Variants in HERC6 observed in about 807,000 individuals in gnomAD.
HERC6 encodes HECT and RLD domain containing E3 ubiquitin protein ligase family member 6.
A neutral mutation model predicts 114.5 loss-of-function variants in HERC6; 101 were observed. That is an observed-to-expected ratio of 0.88 (90% confidence interval 0.75 to 1.04). The LOEUF (loss-of-function observed/expected upper bound fraction) is 1.04, where lower values mean the gene tolerates loss of function less well. Among genes scored for constraint, HERC6 ranks in the 50% least tolerant of loss-of-function variants. The pLI is 0.00. For synonymous variants in HERC6, 408 were observed against 436.2 expected, an observed-to-expected ratio of 0.94 and a Z score of 0.81; for missense variants, 1,133 against 1,230.9, an observed-to-expected ratio of 0.92 and a Z score of 1.19.
rs775202899 is a variant in HERC6, at chr4:88,379,119, A to G, written c.198A>G (p.Pro66=). 6.5e-7 allele frequency: 1 copy of G among 1,539,954 alleles called. No individual in the cohort carries two copies. The highest frequency in any genetic ancestry group is 2.5e-5 in the East Asian group (1 of 40,808). The part of the protein sequence containing the change: ...GRRGAQRGEL[P]EPIQALETLI... ...GGGGCGCGCAGCGCGGGGAGCTGCC[A>G]GGTGAGCGGGGGGCCCCAGGTGCAG... Residue 66 remains proline (P), a splice_region_variant and synonymous_variant, in exon 1 of 23, where the codon CCA becomes CCG. Coordinates refer to ENST00000264346, the MANE Select transcript of HERC6 (RefSeq NM_017912.4).
At position 88,438,051 on chromosome 4, in the gene HERC6, A is replaced by C. The variant is rs557427495; in HGVS notation, c.2555+270A>C. 4.7e-5 allele frequency among the ~76,000 whole-genome samples: 7 copies of C among 147,756 alleles called. No individual in the cohort carries two copies. In the South Asian group the frequency reaches 1.5e-3, roughly 32 times the overall value. Reference sequence around the variant, plus strand: ...AGGAGGCTGAGGATTGCTTGAACCCAGGAAGTGGAGGTTGCAGTGAGCCGG... The same window carrying C: ...AGGAGGCTGAGGATTGCTTGAACCCCGGAAGTGGAGGTTGCAGTGAGCCGG... On this transcript the variant is annotated intron_variant, in intron 20 of 22. Transcript: ENST00000264346.
intron 8 of HERC6, 193 bp downstream of exon 8, chr4:88,398,402 A>AC (rs1014467869): frequency 4.4e-5 from 18 of 404,610 alleles, no homozygotes; most frequent in South Asian, 2.3e-4. Context: ...AACAGATTAG[A>AC]CCCCCCCACC....
chr4:88,404,404 G>A (rs1385639663), intron 8 of HERC6, among the ~76,000 whole-genome samples: 1 of 151,906 alleles, frequency 6.6e-6, no homozygotes, highest in Non-Finnish European at 1.5e-5. Flanking sequence ...GACCAGGCTG[G>A]TTTCAAACTC....
At chr4:88,401,300 C>A (rs1735521885) in intron 8 of HERC6, among the ~76,000 whole-genome samples, 1 of 151,964 alleles carries the variant, frequency 6.6e-6, no homozygotes, top group African/African-American at 2.4e-5. Flanking sequence ...CAAGACCAGC[C>A]TGGCCAATAT....
intron 12 of HERC6, among the ~76,000 whole-genome samples, chr4:88,417,148 G>A (rs1390234295): frequency 6.6e-6 from 1 of 152,130 alleles, no homozygotes; most frequent in East Asian, 1.9e-4. Flanking sequence ...AAATCATGAA[G>A]TCAATCAATT....
chr4:88,405,797 G>GTTAT (rs1735788493), intron 10 of HERC6, among the ~76,000 whole-genome samples, 184 bp downstream of exon 10: 1 of 152,072 alleles, frequency 6.6e-6, no homozygotes. Flanking sequence ...ACTACCATAA[G>GTTAT]TTATAATTCC....
chr4:88,440,099 C>T, intron 21 of HERC6, 42 bp downstream of exon 21: 1 of 1,603,566 alleles, frequency 6.2e-7, no homozygotes, highest in Non-Finnish European at 8.5e-7. Context: ...CGAACAACTT[C>T]TATATATTCC....
intron 1 of HERC6, among the ~76,000 whole-genome samples, chr4:88,381,046 C>G (rs1431419511): frequency 1.3e-5 from 2 of 152,038 alleles, no homozygotes; most frequent in African/African-American, 4.8e-5. Context: ...ATTCTAAACT[C>G]TGAGAGTACC....
At chr4:88,399,658 C>T (rs1735432852) in intron 8 of HERC6, 1 of 151,830 alleles carries the variant, frequency 6.6e-6, no homozygotes, top group Non-Finnish European at 1.5e-5. Context: ...GTAATCCCAG[C>T]TACTTGGGAG....
chr4:88,431,153 T>C lies in HERC6; in HGVS notation c.2107-9T>C, dbSNP rs924200686. 102 of 1,601,696 alleles carry C rather than the reference T, an allele frequency of 6.4e-5. No homozygotes were observed. The highest frequency in any genetic ancestry group is 8.3e-5 in the Non-Finnish European group (98 of 1,176,200). On this transcript the variant is annotated splice_polypyrimidine_tract_variant and intron_variant, in intron 16 of 22. Transcript: ENST00000264346. The stretch of plus-strand genomic sequence containing the variant: ...AGTCAGGATCTGGGACTATGTTCTC[T>C]TTCCTTAGGTTGAATTTATTAATGA...
intron 8 of HERC6, among the ~76,000 whole-genome samples, chr4:88,404,181 A>G (rs1056926513): frequency 2.0e-5 from 3 of 150,694 alleles, no homozygotes; most frequent in Non-Finnish European, 4.4e-5. Context: ...AGCATGTGTC[A>G]GAATTTCATT....
At chr4:88,431,631 G>A (rs1045399985) in intron 17 of HERC6, among the ~76,000 whole-genome samples, 1 of 152,220 alleles carries the variant, frequency 6.6e-6, no homozygotes, top group Non-Finnish European at 1.5e-5. Context: ...TATTTAAGGT[G>A]TCCAGCTTGG....
intron 8 of HERC6, among the ~76,000 whole-genome samples, chr4:88,402,633 T>C (rs886928249): frequency 1.3e-5 from 2 of 152,004 alleles, no homozygotes; most frequent in African/African-American, 4.8e-5. Flanking sequence ...GCAGGAAGGG[T>C]GACCATGGGA....
At chr4:88,390,961 G>A (rs529371225) in intron 4 of HERC6, 82 bp downstream of exon 4, 47 of 1,149,284 alleles carry the variant, frequency 4.1e-5, no homozygotes, top group Non-Finnish European at 5.3e-5. Context: ...CAGTCTTAAC[G>A]CTTAAAACAG....
At position 88,383,414 on chromosome 4, in the gene HERC6, A is replaced by G. The variant is rs374218504; in HGVS notation, c.359+34A>G. 1,839 of 1,447,994 alleles carry G rather than the reference A, an allele frequency of 1.3e-3. 7 individuals carry two copies. Among genetic ancestry groups the G allele is most frequent in the South Asian group, 2.5e-3 (170 of 68,228 alleles). The allele number at this position is 1,447,994 out of a possible 1,614,324, so 89.7% of individuals were successfully genotyped here. A position where few individuals can be genotyped will look rare whatever the true frequency, so the allele number is the denominator to read the frequency against. ...TTCAACCCACTCCTTCATTTATTCAATATATATAGTACCATGTGCCAGGCA... is the reference window on the plus strand; with the variant it reads ...TTCAACCCACTCCTTCATTTATTCAGTATATATAGTACCATGTGCCAGGCA... On this transcript the variant is annotated intron_variant, in intron 2 of 22. Transcript: ENST00000264346.
At chr4:88,430,545 G>T (rs182368276) in intron 16 of HERC6, among the ~76,000 whole-genome samples, 5 of 151,026 alleles carry the variant, frequency 3.3e-5, no homozygotes, top group African/African-American at 1.2e-4. Flanking sequence ...ACTCCAGCCT[G>T]GGCAGCAGAG....
chr4:88,390,977 C>T (rs1734891727), intron 4 of HERC6, 98 bp downstream of exon 4: 2 of 983,024 alleles, frequency 2.0e-6, no homozygotes. Context: ...AACAGTGGTT[C>T]CCAAACTTGT....
chr4:88,383,230 A>G lies in HERC6; in HGVS notation c.209A>G (p.Gln70Arg), dbSNP rs1164362865. 1.9e-6 allele frequency: 3 copies of G among 1,610,264 alleles called. No individual in the cohort carries two copies. Among genetic ancestry groups the G allele is most frequent in the African/African-American group, 1.3e-5 (1 of 74,966 alleles). Residue 70 changes from glutamine (Q) to arginine (R), a missense_variant, in exon 2 of 23, where the codon CAG (glutamine) becomes CGG (arginine). Gln to Arg is a conservative substitution (Grantham distance 43, BLOSUM62 1). Coordinates refer to ENST00000264346, the MANE Select transcript of HERC6 (RefSeq NM_017912.4). ...GTTTTGTTTCCCAAAGAACCAATTCAGGCATTGGAAACCCTAATTGTTGAT... is the reference window on the plus strand; with the variant it reads ...GTTTTGTTTCCCAAAGAACCAATTCGGGCATTGGAAACCCTAATTGTTGAT... The part of the protein sequence containing the change: ...AQRGELPEPI[Q>R]ALETLIVDLV...
chr4:88,395,612 A>G (rs975629753), intron 5 of HERC6, among the ~76,000 whole-genome samples: 4 of 152,210 alleles, frequency 2.6e-5, no homozygotes, highest in African/African-American at 7.2e-5. Context: ...TATATGAAAC[A>G]CATTATTAAC....
Sources: allele counts gnomAD v4.1 joint callset (sites outside exome capture counted in the v4.1 genomes callset), GRCh38; gene constraint gnomAD v4.1.1; transcripts MANE v1.5; gene names NCBI Gene and HGNC (gene_info 2026-07-23, HGNC 2026-07-21).